The following SAMD3 variants were observed in gnomAD, a reference collection of about 807,000 sequenced individuals.
SAMD3 encodes sterile alpha motif domain-containing protein 3.
Under a neutral mutation model 58.5 loss-of-function variants are expected in SAMD3, and 63 were observed. The observed-to-expected ratio is 1.08, with a 90% CI of 0.88 to 1.33. SAMD3 has a LOEUF of 1.33. SAMD3 is among the 40% of genes most tolerant of loss of function. The probability of loss-of-function intolerance (pLI) is 0.00; values close to 1 mark genes in which losing one functional copy is unlikely to be tolerated. For missense variants in SAMD3, 604 were observed against 608.4 expected, an observed-to-expected ratio of 0.99 and a Z score of 0.08; for synonymous variants, 220 against 210.3, an observed-to-expected ratio of 1.05 and a Z score of -0.40.
chr6:130,315,252 A>G (rs1776322777), intron 1 of SAMD3, among the ~76,000 whole-genome samples: 1 of 152,182 alleles, frequency 6.6e-6, no homozygotes, highest in African/African-American at 2.4e-5. Flanking sequence ...AAATATATAT[A>G]TTTCAGAGAT....
chr6:130,310,988 A>G (rs1175105702), intron 2 of SAMD3, among the ~76,000 whole-genome samples: 1 of 152,102 alleles, frequency 6.6e-6, no homozygotes, highest in Non-Finnish European at 1.5e-5. Context: ...CACCAGCCCA[A>G]TGCGAGGGCA....
chr6:130,178,563 T>C (rs926557647), intron 7 of SAMD3, among the ~76,000 whole-genome samples: 4 of 152,176 alleles, frequency 2.6e-5, no homozygotes, highest in Non-Finnish European at 4.4e-5. Context: ...GATTTTGCCA[T>C]TCCTGGTTAT....
chr6:130,318,175 C>T (rs140427531), intron 1 of SAMD3, among the ~76,000 whole-genome samples: 5 of 152,244 alleles, frequency 3.3e-5, no homozygotes, highest in African/African-American at 1.2e-4. Context: ...TGGAAAGCCT[C>T]ATAATTCAGT....
intron 1 of SAMD3, among the ~76,000 whole-genome samples, chr6:130,349,901 GC>G (rs1332920791): frequency 6.6e-6 from 1 of 152,306 alleles, no homozygotes; most frequent in African/African-American, 2.4e-5. Context: ...TCCCTGGGAT[GC>G]AAGGCTGGTT....
At chr6:130,216,047 A>G in intron 2 of SAMD3, 1 of 394,882 alleles carries the variant, frequency 2.5e-6, no homozygotes, top group Non-Finnish European at 4.5e-6. Context: ...CAGATTCAAA[A>G]TTGGAAAGTA....
intron 1 of SAMD3, among the ~76,000 whole-genome samples, chr6:130,342,787 G>A (rs1278055950): frequency 6.6e-6 from 1 of 152,138 alleles, no homozygotes. Context: ...TAGCTTTCCT[G>A]AAAGGTGGCA....
At chr6:130,157,460 A>G (rs1035768421) in intron 8 of SAMD3, among the ~76,000 whole-genome samples, 3 of 151,986 alleles carry the variant, frequency 2.0e-5, no homozygotes, top group African/African-American at 7.2e-5. Flanking sequence ...GTCCCAACAG[A>G]TGGGCCTACA....
At chr6:130,331,262 C>G (rs191598831) in intron 1 of SAMD3, among the ~76,000 whole-genome samples, 36 of 152,126 alleles carry the variant, frequency 2.4e-4, no homozygotes, top group Admixed American at 1.5e-3. Context: ...TCTGTACAAT[C>G]CAATAATACA....
At chr6:130,168,975 T>A (rs1790971583) in intron 8 of SAMD3, among the ~76,000 whole-genome samples, 1 of 152,054 alleles carries the variant, frequency 6.6e-6, no homozygotes, top group South Asian at 2.1e-4. Context: ...TGGCTAATTT[T>A]GTTTAGTTTT....
intron 2 of SAMD3, among the ~76,000 whole-genome samples, chr6:130,247,994 T>A (rs992923989): frequency 3.3e-5 from 5 of 152,216 alleles, no homozygotes; most frequent in African/African-American, 9.7e-5. Flanking sequence ...ATATATTTAG[T>A]GTGATGTGCA....
chr6:130,266,099 G>A (rs553366703), intron 2 of SAMD3, among the ~76,000 whole-genome samples: 7 of 152,274 alleles, frequency 4.6e-5, no homozygotes, highest in East Asian at 3.9e-4. Context: ...AAAGGGGAAC[G>A]TGTAACCCTA....
intron 5 of SAMD3, among the ~76,000 whole-genome samples, chr6:130,205,549 C>T (rs1582918876): frequency 6.6e-6 from 1 of 151,758 alleles, no homozygotes; most frequent in East Asian, 1.9e-4. Context: ...GGTGATCCAC[C>T]CACCTCAGCC....
chr6:130,208,843 C>T (rs1026529629), intron 5 of SAMD3, among the ~76,000 whole-genome samples: 8 of 152,152 alleles, frequency 5.3e-5, no homozygotes, highest in Non-Finnish European at 8.8e-5. Flanking sequence ...AAATTGTCTT[C>T]CATGAAATCA....
At chr6:130,256,910 A>G (rs1281703258) in intron 2 of SAMD3, among the ~76,000 whole-genome samples, 2 of 152,208 alleles carry the variant, frequency 1.3e-5, no homozygotes, top group Admixed American at 6.5e-5. Context: ...CCAAATCACT[A>G]TTTAGCTATC....
chr6:130,287,029 C>T (rs1775180148), intron 2 of SAMD3, among the ~76,000 whole-genome samples: 1 of 152,100 alleles, frequency 6.6e-6, no homozygotes, highest in East Asian at 1.9e-4. Context: ...CTTTCAAAAT[C>T]TCTCCTTCCC....
intron 8 of SAMD3, among the ~76,000 whole-genome samples, chr6:130,156,537 A>T (rs1789799466): frequency 6.6e-6 from 1 of 152,182 alleles, no homozygotes; most frequent in Non-Finnish European, 1.5e-5. Context: ...TGGTAAGGGA[A>T]CTATAGCAAA....
exon 1 of SAMD3, chr6:130,365,289 T>C (rs969842423): frequency 1.0e-6 from 1 of 985,448 alleles, no homozygotes; most frequent in Non-Finnish European, 1.2e-6. Context: ...GCACTGCTCA[T>C]CGAAGACCCC....
intron 5 of SAMD3, among the ~76,000 whole-genome samples, chr6:130,195,907 A>G (rs1794060230): frequency 6.6e-6 from 1 of 152,126 alleles, no homozygotes; most frequent in Non-Finnish European, 1.5e-5. Flanking sequence ...ATCCTAACAA[A>G]ACCATTATAT....
chr6:130,261,380 A>G (rs1160038087), intron 2 of SAMD3, among the ~76,000 whole-genome samples: 1 of 150,756 alleles, frequency 6.6e-6, no homozygotes, highest in Admixed American at 6.6e-5. Context: ...CGGTCTTGGG[A>G]ACTTGCCTAC....
Sources: allele counts gnomAD v4.1 joint callset (sites outside exome capture counted in the v4.1 genomes callset), GRCh38; gene constraint gnomAD v4.1.1; transcripts MANE v1.5; gene names NCBI Gene and HGNC (gene_info 2026-07-23, HGNC 2026-07-21).